The following TMEM178B variants were observed in gnomAD, a reference collection of about 807,000 sequenced individuals.
TMEM178B encodes transmembrane protein 178B.
Under a neutral mutation model 31.0 loss-of-function variants are expected in TMEM178B, and 5 were observed. The observed-to-expected ratio is 0.16, with a 90% CI of 0.08 to 0.34. TMEM178B has a LOEUF of 0.34. Among genes scored for constraint, TMEM178B ranks in the 10% least tolerant of loss-of-function variants. The probability of loss-of-function intolerance (pLI) is 1.00; values close to 1 mark genes in which losing one functional copy is unlikely to be tolerated. For synonymous variants in TMEM178B, 164 were observed against 164.0 expected (o/e 1.00, Z 0.00); for missense variants, 275 against 400.3 (o/e 0.69, Z 2.67).
At chr7:141,468,060 T>G (rs959480782) in intron 3 of TMEM178B, among the ~76,000 whole-genome samples, 1 of 152,152 alleles carries the variant, frequency 6.6e-6, no homozygotes, top group Non-Finnish European at 1.5e-5. Context: ...AATTTTCAAT[T>G]CTTTGGTTAT....
chr7:141,231,296 C>A (rs535983190), intron 2 of TMEM178B, among the ~76,000 whole-genome samples: 2 of 141,712 alleles, frequency 1.4e-5, no homozygotes, highest in African/African-American at 5.4e-5. Context: ...GGGCTCCTGA[C>A]CTAGAGCTCA....
rs561802094 is a variant in TMEM178B, at chr7:141,140,390, C to A, written c.382+65698C>A. 1.6e-3 allele frequency among the ~76,000 whole-genome samples: 242 copies of A among 152,266 alleles called. 3 individuals are homozygous for A. The highest frequency in any genetic ancestry group is 4.8e-3 in the African/African-American group (201 of 41,564). The stretch of plus-strand genomic sequence containing the variant: ...CTCTCCATTTATATACTTATTTTTA[C>A]TAATAGACTTTATTTTTTAGAACAG... On this transcript the variant is annotated intron_variant, in intron 1 of 3. Coordinates refer to ENST00000565468, the MANE Select transcript of TMEM178B (RefSeq NM_001195278.2).
At chr7:141,345,293 GA>G (rs1206060562) in intron 2 of TMEM178B, among the ~76,000 whole-genome samples, 3 of 152,188 alleles carry the variant, frequency 2.0e-5, no homozygotes, top group Non-Finnish European at 4.4e-5. Context: ...TAAAGTTAGA[GA>G]GGGAGTTAAT....
At chr7:141,258,800 C>T (rs980477545) in intron 2 of TMEM178B, among the ~76,000 whole-genome samples, 11 of 152,138 alleles carry the variant, frequency 7.2e-5, no homozygotes, top group African/African-American at 2.7e-4. Context: ...TGTCTTCTGG[C>T]CTACTGTTTC....
At chr7:141,224,838 G>A (rs1797315134) in intron 2 of TMEM178B, among the ~76,000 whole-genome samples, 1 of 152,186 alleles carries the variant, frequency 6.6e-6, no homozygotes. Context: ...ACCCTTCAAA[G>A]TCTCCTGAAT....
intron 2 of TMEM178B, among the ~76,000 whole-genome samples, chr7:141,226,523 T>C (rs1356284978): frequency 4.6e-5 from 7 of 152,166 alleles, no homozygotes; most frequent in Admixed American, 4.6e-4. Context: ...ATACAGCTAC[T>C]GTTTAGCTTG....
intron 2 of TMEM178B, among the ~76,000 whole-genome samples, chr7:141,325,473 G>A (rs78392699): frequency 0.06 from 9,111 of 152,076 alleles, 640 homozygotes; most frequent in African/African-American, 0.17. Flanking sequence ...GTCCCCCAGG[G>A]ACCAAAGGCC....
intron 1 of TMEM178B, among the ~76,000 whole-genome samples, chr7:141,200,810 G>A (rs1302904909): frequency 3.3e-5 from 5 of 152,154 alleles, no homozygotes; most frequent in African/African-American, 4.8e-5. Flanking sequence ...CGGAATGATG[G>A]CACCCAAAGT....
At chr7:141,202,810 T>C (rs1796899208) in intron 1 of TMEM178B, among the ~76,000 whole-genome samples, 1 of 152,092 alleles carries the variant, frequency 6.6e-6, no homozygotes, top group Admixed American at 6.5e-5. Flanking sequence ...AGAGCTCCTG[T>C]CAACATTGCC....
chr7:141,335,070 G>C (rs1038667507), intron 2 of TMEM178B, among the ~76,000 whole-genome samples: 5 of 152,196 alleles, frequency 3.3e-5, no homozygotes, highest in Non-Finnish European at 7.3e-5. Flanking sequence ...GATATAAACA[G>C]CTTGGTTAGT....
At chr7:141,368,975 G>A (rs1201548303) in intron 2 of TMEM178B, among the ~76,000 whole-genome samples, 1 of 152,162 alleles carries the variant, frequency 6.6e-6, no homozygotes, top group African/African-American at 2.4e-5. Flanking sequence ...CTGACATGTG[G>A]GCCGTGGGCC....
intron 1 of TMEM178B, among the ~76,000 whole-genome samples, chr7:141,120,186 C>T (rs940955533): frequency 6.6e-6 from 1 of 152,126 alleles, no homozygotes; most frequent in Non-Finnish European, 1.5e-5. Flanking sequence ...TCAACTCTTC[C>T]CTTTAGAAGT....
intron 1 of TMEM178B, among the ~76,000 whole-genome samples, chr7:141,083,070 G>A: frequency 6.6e-6 from 1 of 151,982 alleles, no homozygotes. Context: ...ACACACTTGG[G>A]TTAGTTTGAC....
chr7:141,332,102 G>A (rs774140618), intron 2 of TMEM178B, among the ~76,000 whole-genome samples: 21 of 152,092 alleles, frequency 1.4e-4, no homozygotes, highest in Non-Finnish European at 2.9e-4. Flanking sequence ...TCTGTCATTC[G>A]AAGTCAGTCT....
At chr7:141,247,502 A>G (rs1389052793) in intron 2 of TMEM178B, among the ~76,000 whole-genome samples, 1 of 152,188 alleles carries the variant, frequency 6.6e-6, no homozygotes, top group Non-Finnish European at 1.5e-5. Flanking sequence ...GTTTGAATTC[A>G]GCTGCCTCCA....
intron 1 of TMEM178B, among the ~76,000 whole-genome samples, chr7:141,095,505 A>G (rs1794945653): frequency 6.6e-6 from 1 of 151,958 alleles, no homozygotes; most frequent in Non-Finnish European, 1.5e-5. Flanking sequence ...TTAACTTATG[A>G]TTTTTCTCTG....
chr7:141,250,299 T>C (rs1797809009), intron 2 of TMEM178B, among the ~76,000 whole-genome samples: 1 of 152,226 alleles, frequency 6.6e-6, no homozygotes, highest in Non-Finnish European at 1.5e-5. Flanking sequence ...GCCTTATGCA[T>C]AGGTACTATT....
At chr7:141,342,302 A>G (rs1174901297) in intron 2 of TMEM178B, among the ~76,000 whole-genome samples, 1 of 152,240 alleles carries the variant, frequency 6.6e-6, no homozygotes, top group East Asian at 1.9e-4. Context: ...ATCCTTCAGT[A>G]TCATTGGTTC....
intron 2 of TMEM178B, among the ~76,000 whole-genome samples, chr7:141,266,668 C>A (rs1195730442): frequency 6.6e-6 from 1 of 152,190 alleles, no homozygotes; most frequent in South Asian, 2.1e-4. Context: ...TCTCTGCGAG[C>A]CATTGGTGCC....
Sources: gnomAD v4.1 joint callset for allele counts (sites outside exome capture counted in the v4.1 genomes callset) on GRCh38, gnomAD v4.1.1 for gene constraint, MANE v1.5 for transcripts, NCBI Gene and HGNC (gene_info 2026-07-23, HGNC 2026-07-21) for gene names.